Variants in MYCBP2 observed in about 807,000 individuals in gnomAD.
The protein encoded by MYCBP2 is E3 ubiquitin-protein ligase MYCBP2.
MYCBP2 carries 120 observed loss-of-function variants against 525.3 expected under a neutral mutation model. The ratio of observed to expected loss-of-function variants is 0.23; its 90% CI spans 0.20 to 0.27. The LOEUF is 0.27. MYCBP2 is among the 10% of genes least tolerant of loss of function. The probability of loss-of-function intolerance (pLI) is 1.00; values close to 1 mark genes in which losing one functional copy is unlikely to be tolerated. For synonymous variants in MYCBP2, 1,894 were observed against 1,955.8 expected, an observed-to-expected ratio of 0.97 and a Z score of 0.83; for missense variants, 4,149 against 5,657.1, an observed-to-expected ratio of 0.73 and a Z score of 8.55.
In MYCBP2 at chr13:77,119,491, T is replaced by A. The variant is rs575887922; in HGVS notation, c.8140+1882A>T. ...TGAAATAATAAATAAATGCTGTAGATTATAGGAAAAAATTTAGAGATCATG... is the reference window on the plus strand; with the variant it reads ...TGAAATAATAAATAAATGCTGTAGAATATAGGAAAAAATTTAGAGATCATG... On this transcript the variant is annotated intron_variant, in intron 55 of 82. Coordinates refer to ENST00000544440, the MANE Select transcript of MYCBP2 (RefSeq NM_015057.5). 3.9e-5 allele frequency among the ~76,000 whole-genome samples: 6 copies of A among 152,096 alleles called. No homozygotes were observed. In the East Asian group the frequency reaches 9.6e-4, roughly 24 times the overall value.
At chr13:77,238,489 A>T (rs2068310414) in intron 17 of MYCBP2, among the ~76,000 whole-genome samples, 1 of 152,222 alleles carries the variant, frequency 6.6e-6, no homozygotes. Flanking sequence ...GATGACTTCA[A>T]GAGCCCTACT....
intron 15 of MYCBP2, among the ~76,000 whole-genome samples, chr13:77,244,242 A>C (rs2069460849): frequency 6.6e-6 from 1 of 152,234 alleles, no homozygotes; most frequent in African/African-American, 2.4e-5. Flanking sequence ...AATCCTTTAA[A>C]AGTCTTTTTG....
chr13:77,129,537 T>C (rs933789904), intron 52 of MYCBP2: 9 of 196,096 alleles, frequency 4.6e-5, no homozygotes, highest in African/African-American at 2.1e-4. Flanking sequence ...TTAAAATTCT[T>C]TAAATGAGGA....
intron 37 of MYCBP2, among the ~76,000 whole-genome samples, chr13:77,174,058 T>C (rs1442072165): frequency 6.6e-6 from 1 of 152,230 alleles, no homozygotes; most frequent in Non-Finnish European, 1.5e-5. Context: ...ACAGCACATA[T>C]GCCCAGTACA....
At position 77,263,844 on chromosome 13, in the gene MYCBP2, C is replaced by T. The variant is rs142900411; in HGVS notation, c.1432-55G>A. On this transcript the variant is annotated intron_variant, in intron 9 of 82. Transcript: ENST00000544440. Reference sequence around the variant, plus strand: ...CATTACATAAAGAGGTCGTTCAAGGCTCTACAGTCTATCTAATAAAAGCTA... The same window carrying T: ...CATTACATAAAGAGGTCGTTCAAGGTTCTACAGTCTATCTAATAAAAGCTA... 286 of 1,608,976 alleles carry T rather than the reference C, an allele frequency of 1.8e-4. No individual in the cohort carries two copies. In the East Asian group the frequency reaches 6.3e-3, roughly 35 times the overall value.
intron 15 of MYCBP2, among the ~76,000 whole-genome samples, chr13:77,248,100 C>A (rs1473878567): frequency 4.0e-5 from 6 of 149,536 alleles, no homozygotes; most frequent in Non-Finnish European, 8.9e-5. Flanking sequence ...ATGTAACTAA[C>A]CTGCACGTTG....
chr13:77,315,688 A>G (rs999770421), intron 1 of MYCBP2, among the ~76,000 whole-genome samples: 1 of 152,290 alleles, frequency 6.6e-6, no homozygotes, highest in Admixed American at 6.5e-5. Flanking sequence ...TGAGGTCAGC[A>G]GTTCAAGACC....
chr13:77,206,729 G>A lies in MYCBP2; in HGVS notation c.3513C>T (p.Ile1171=). ...TTGGTAAGGCAAGTTCAGGACTTAG[G>A]ATACTACATCTGGACTGCATGTCTG... The part of the protein sequence containing the change: ...SAADMQSRCS[I]LSPELALPTG... The change falls in exon 24 of 83, where the codon ATC becomes ATT. Residue 1171 remains isoleucine, a synonymous_variant. Coordinates refer to ENST00000544440, the MANE Select transcript of MYCBP2 (RefSeq NM_015057.5). The A allele has an allele frequency of 5.6e-6, 9 of 1,613,024 alleles. No homozygotes were observed. Among genetic ancestry groups the A allele is most frequent in the Non-Finnish European group, 7.6e-6 (9 of 1,179,352 alleles).
chr13:77,290,602 C>A (rs2077367102), intron 2 of MYCBP2, among the ~76,000 whole-genome samples: 1 of 152,150 alleles, frequency 6.6e-6, no homozygotes, highest in African/African-American at 2.4e-5. Context: ...AAAAAAGCAC[C>A]AATCTTAAAT....
chr13:77,256,157 C>A (rs1201562658), intron 14 of MYCBP2, among the ~76,000 whole-genome samples: 1 of 151,962 alleles, frequency 6.6e-6, no homozygotes, highest in Non-Finnish European at 1.5e-5. Context: ...GGTAAAGTGT[C>A]AGATATTCAT....
At chr13:77,312,041 T>G (rs1055002989) in intron 1 of MYCBP2, among the ~76,000 whole-genome samples, 1 of 152,078 alleles carries the variant, frequency 6.6e-6, no homozygotes, top group Non-Finnish European at 1.5e-5. Flanking sequence ...AGGTTTACAT[T>G]ACAAAGATTT....
intron 1 of MYCBP2, among the ~76,000 whole-genome samples, chr13:77,309,990 T>A (rs2079971285): frequency 6.6e-6 from 1 of 152,142 alleles, no homozygotes; most frequent in Admixed American, 6.5e-5. Context: ...TGGGTGCCTG[T>A]AGTCCCTGCT....
At chr13:77,273,146 T>C (rs527423616) in intron 5 of MYCBP2, among the ~76,000 whole-genome samples, 1 of 152,242 alleles carries the variant, frequency 6.6e-6, no homozygotes, top group East Asian at 1.9e-4. Context: ...ATGAATTCCA[T>C]ACTAAAAAAC....
chr13:77,180,799 A>G (rs917876331), intron 33 of MYCBP2, among the ~76,000 whole-genome samples: 9 of 152,302 alleles, frequency 5.9e-5, no homozygotes, highest in African/African-American at 1.9e-4. Flanking sequence ...ATGTGCCTAC[A>G]GCCCCAGCTA....
At chr13:77,289,586 A>T (rs2077261114) in intron 2 of MYCBP2, among the ~76,000 whole-genome samples, 1 of 152,182 alleles carries the variant, frequency 6.6e-6, no homozygotes, top group Non-Finnish European at 1.5e-5. Context: ...CAAAATAACC[A>T]CAGCTAACAT....
rs1593958718 is a variant in MYCBP2, at chr13:77,044,743, A to T, written c.*635T>A. The T allele has an allele frequency of 5.0e-6, 2 of 398,826 alleles. No individual in the cohort carries two copies. The highest frequency in any genetic ancestry group is 7.1e-5 in the East Asian group (2 of 28,000). 24.7% of individuals were successfully genotyped at this position (398,826 alleles called of 1,614,324 possible). On this transcript the variant is annotated 3_prime_UTR_variant, in exon 83 of 83. Transcript: ENST00000544440. ...TTACAGCTGCAAGATAATGAGGCAC[A>T]CTCAGTATTGCACTTCATTAAAATT... is the stretch of plus-strand genomic sequence containing the variant.
intron 4 of MYCBP2, among the ~76,000 whole-genome samples, chr13:77,275,232 T>C (rs919968664): frequency 2.0e-5 from 3 of 152,284 alleles, no homozygotes; most frequent in African/African-American, 7.2e-5. Context: ...TAAAAAACAA[T>C]ATTCTTCATG....
intron 47 of MYCBP2, among the ~76,000 whole-genome samples, chr13:77,147,859 G>A (rs2055854107): frequency 6.6e-6 from 1 of 152,034 alleles, no homozygotes; most frequent in African/African-American, 2.4e-5. Flanking sequence ...TCTGTGAATG[G>A]TTGATAAGGA....
At chr13:77,049,184 C>CATCACCCCCTCCCTCCAAGCAT (rs2036214782) in intron 82 of MYCBP2, among the ~76,000 whole-genome samples, 2 of 152,094 alleles carry the variant, frequency 1.3e-5, no homozygotes, top group Non-Finnish European at 2.9e-5. Context: ...ACCTCCAGCA[C>CATCACCCCCTCCCTCCAAGCAT]ATCACCCCCT....
Sources: allele counts gnomAD v4.1 joint callset (sites outside exome capture counted in the v4.1 genomes callset), GRCh38; gene constraint gnomAD v4.1.1; transcripts MANE v1.5; gene names NCBI Gene and HGNC (gene_info 2026-07-23, HGNC 2026-07-21).